ALDH1A1: variants seen among roughly 807,000 people sequenced by gnomAD.
ALDH1A1 encodes the protein aldehyde dehydrogenase 1 family member A1, also known as aldehyde dehydrogenase 1A1.
A neutral mutation model predicts 62.1 loss-of-function variants in ALDH1A1; 19 were observed. The observed-to-expected ratio is 0.31, with a 90% CI of 0.21 to 0.45. The LOEUF (loss-of-function observed/expected upper bound fraction) is 0.45, where lower values mean the gene tolerates loss of function less well. Ranked by LOEUF, ALDH1A1 falls within the 20% of genes least tolerant of loss-of-function variation. ALDH1A1 has a pLI of 1.00. For missense variants in ALDH1A1, 521 were observed against 607.1 expected (o/e 0.86, Z 1.49); for synonymous variants, 231 against 215.9 (o/e 1.07, Z -0.61).
At chr9:72,914,256 C>T (rs1282254393) in intron 9 of ALDH1A1, among the ~76,000 whole-genome samples, 3 of 152,084 alleles carry the variant, frequency 2.0e-5, no homozygotes, top group African/African-American at 7.2e-5. Context: ...CATGTATCAA[C>T]AAAAGCAATG....
chr9:72,911,917 A>G, intron 10 of ALDH1A1, 41 bp downstream of exon 10: 1 of 1,610,508 alleles, frequency 6.2e-7, no homozygotes, highest in Non-Finnish European at 8.5e-7. Context: ...AACAGACAAA[A>G]CATGGCAACA....
At chr9:72,933,614 G>T (rs1207795391) in intron 2 of ALDH1A1, among the ~76,000 whole-genome samples, 2 of 62,062 alleles carry the variant, frequency 3.2e-5, no homozygotes, top group Admixed American at 2.2e-4. Context: ...AAAAAAAAAA[G>T]AAAAAGCAAG....
intron 6 of ALDH1A1, among the ~76,000 whole-genome samples, chr9:72,924,429 T>C (rs912290076): frequency 1.3e-5 from 2 of 152,202 alleles, no homozygotes; most frequent in Non-Finnish European, 1.5e-5. Flanking sequence ...AAAAAGATTG[T>C]ATGTAAAAAA....
rs571181722 is a variant in ALDH1A1, at chr9:72,918,703, A to T, written c.850+17T>A. 6.5e-7 allele frequency: 1 copy of T among 1,527,242 alleles called. No individual in the cohort carries two copies. The highest frequency in any genetic ancestry group is 1.3e-5 in the South Asian group (1 of 79,216). 94.6% of individuals were successfully genotyped at this position (1,527,242 alleles called of 1,614,324 possible). On this transcript the variant is annotated intron_variant, in intron 8 of 12. Transcript: ENST00000297785. ...AACGATGAAGGACGAAAAGTTAACA[A>T]AGTGGTTTCTACTCACAGTCGGCAT...
intron 1 of ALDH1A1, among the ~76,000 whole-genome samples, chr9:72,952,257 GATCCATTTCCTAGTTCCCCCC>G (rs1024368608): frequency 6.6e-6 from 1 of 151,902 alleles, no homozygotes; most frequent in African/African-American, 2.4e-5. Context: ...ACTCAAGCAG[GATCCATTTCCTAGTTCCCCCC>G]AGCTGCGGAT....
At chr9:72,939,187 C>T (rs1318485688) in intron 2 of ALDH1A1, among the ~76,000 whole-genome samples, 1 of 152,138 alleles carries the variant, frequency 6.6e-6, no homozygotes, top group Non-Finnish European at 1.5e-5. Flanking sequence ...AGCCTTTCTA[C>T]TCTGCCATCT....
At chr9:72,940,995 T>C (rs1271444874) in intron 1 of ALDH1A1, among the ~76,000 whole-genome samples, 2 of 152,222 alleles carry the variant, frequency 1.3e-5, no homozygotes, top group Non-Finnish European at 1.5e-5. Context: ...GTTTCAACTT[T>C]CATGTCACTG....
chr9:72,926,911 T>C, intron 5 of ALDH1A1: 1 of 468,494 alleles, frequency 2.1e-6, no homozygotes, highest in Non-Finnish European at 3.9e-6. Flanking sequence ...TCTCAAGAGA[T>C]ATGCCAGAAT....
chr9:72,921,651 T>C (rs1211978895), intron 7 of ALDH1A1, among the ~76,000 whole-genome samples: 1 of 150,248 alleles, frequency 6.7e-6, no homozygotes, highest in Non-Finnish European at 1.5e-5. Flanking sequence ...ATTAGGTATA[T>C]CTCCCAATGC....
chr9:72,941,266 C>T (rs1295572973), intron 1 of ALDH1A1, among the ~76,000 whole-genome samples: 6 of 151,936 alleles, frequency 3.9e-5, no homozygotes, highest in South Asian at 2.1e-4. Flanking sequence ...AGTTCAACCC[C>T]GAGGGAGAAT....
At position 72,930,976 on chromosome 9, in the gene ALDH1A1, T is replaced by C. The variant is rs768099814; in HGVS notation, c.215A>G (p.Gln72Arg). 6.2e-7 allele frequency: 1 copy of C among 1,614,060 alleles called. No individual in the cohort carries two copies. The highest frequency in any genetic ancestry group is 8.5e-7 in the Non-Finnish European group (1 of 1,179,970). Residue 72 changes from glutamine to arginine, a missense_variant, in exon 3 of 13, where the codon CAG (glutamine) becomes CGG (arginine). Physicochemically the swap from Gln to Arg is conservative, Grantham distance 43 (BLOSUM62 1). Coordinates refer to ENST00000297785, the MANE Select transcript of ALDH1A1 (RefSeq NM_000689.5). ...CATAGTACGCCACGGGGATCCAATC[T>C]GAAAAGCCTGTCTTGCGGCCTTCAC... Reference protein sequence around the residue: ...KAVKAARQAFQIGSPWRTMDA... With the variant: ...KAVKAARQAFRIGSPWRTMDA...
intron 2 of ALDH1A1, among the ~76,000 whole-genome samples, chr9:72,939,350 C>T (rs1487033873): frequency 6.6e-6 from 1 of 151,852 alleles, no homozygotes; most frequent in East Asian, 1.9e-4. Flanking sequence ...AATAACAACG[C>T]TTGTAATTTG....
chr9:72,911,895 TGTATACACACAAACAGACA>T (rs1829994828), intron 10 of ALDH1A1, 44 bp downstream of exon 10: 1 of 1,576,578 alleles, frequency 6.3e-7, no homozygotes, highest in African/African-American at 1.4e-5. Context: ...AGTGACACTT[TGTATACACACAAACAGACA>T]AAACATGGCA....
intron 11 of ALDH1A1, among the ~76,000 whole-genome samples, chr9:72,908,627 G>C (rs1829935059): frequency 7.3e-6 from 1 of 136,564 alleles, no homozygotes; most frequent in Non-Finnish European, 1.6e-5. Flanking sequence ...AAGAAAGAAA[G>C]AGAATATTGC....
intron 2 of ALDH1A1, among the ~76,000 whole-genome samples, chr9:72,933,327 G>A (rs567948192): frequency 1.3e-5 from 2 of 152,256 alleles, no homozygotes; most frequent in South Asian, 2.1e-4. Context: ...TCAATCAAAT[G>A]GGAGAGACAT....
chr9:72,940,133 T>G lies in ALDH1A1; in HGVS notation c.171+15A>C. On this transcript the variant is annotated intron_variant, in intron 2 of 12. Transcript: ENST00000297785. Reference sequence around the variant, plus strand: ...GAAACCTGGCATAAAATGAAACTAGTGTTCAGAAACTCACCTTATCTCCTT... The same window carrying G: ...GAAACCTGGCATAAAATGAAACTAGGGTTCAGAAACTCACCTTATCTCCTT... 1 of 1,580,842 alleles carries G rather than the reference T, an allele frequency of 6.3e-7. No homozygotes were observed. Among genetic ancestry groups the G allele is most frequent in the South Asian group, 1.1e-5 (1 of 90,364 alleles).
intron 2 of ALDH1A1, among the ~76,000 whole-genome samples, chr9:72,935,208 T>G (rs760576860): frequency 2.6e-5 from 4 of 152,220 alleles, no homozygotes; most frequent in Admixed American, 6.5e-5. Context: ...ATTCCAGGAC[T>G]AGCATTTTTT....
chr9:72,946,350 G>A (rs1382819934), intron 1 of ALDH1A1, among the ~76,000 whole-genome samples: 1 of 151,922 alleles, frequency 6.6e-6, no homozygotes, highest in Non-Finnish European at 1.5e-5. Context: ...GGGAGGGAAC[G>A]GTTCAGGCAA....
intron 11 of ALDH1A1, among the ~76,000 whole-genome samples, chr9:72,908,739 C>T (rs73482203): frequency 6.6e-6 from 1 of 151,588 alleles, no homozygotes; most frequent in Admixed American, 6.6e-5. Context: ...CCAAAGTGAC[C>T]AAAGACATAG....
Sources: gnomAD v4.1 joint callset for allele counts (sites outside exome capture counted in the v4.1 genomes callset) on GRCh38, gnomAD v4.1.1 for gene constraint, MANE v1.5 for transcripts, NCBI Gene and HGNC (gene_info 2026-07-23, HGNC 2026-07-21) for gene names.